The following FASTKD1 variants were observed in gnomAD, a reference collection of about 807,000 sequenced individuals.
The protein encoded by FASTKD1 is FAST kinase domain-containing protein 1, mitochondrial.
Under a neutral mutation model 90.9 loss-of-function variants are expected in FASTKD1, and 94 were observed. That is an observed-to-expected ratio of 1.03 (90% CI 0.88 to 1.23). The LOEUF is 1.23. FASTKD1 is among the 50% of genes most tolerant of loss of function. FASTKD1 has a pLI of 0.00. For synonymous variants in FASTKD1, 319 were observed against 345.8 expected (o/e 0.92, Z 0.86); for missense variants, 945 against 993.5 (o/e 0.95, Z 0.66).
chr2:169,546,343 G>A lies in FASTKD1; in HGVS notation c.1576C>T (p.His526Tyr). 6.2e-7 allele frequency: 1 copy of A among 1,614,020 alleles called. No homozygotes were observed. The highest frequency in any genetic ancestry group is 8.5e-7 in the Non-Finnish European group (1 of 1,179,990). Residue 526 changes from histidine (H) to tyrosine (Y), a missense_variant, in exon 8 of 15, where the codon CAT becomes TAT. His to Tyr is a moderately conservative substitution (Grantham distance 83). Transcript: ENST00000453153. ...ATGTAATTAATATCATCCATGAAAT[G>A]CTGTAAAGTAGCAATCATTTCTTCA... is the stretch of plus-strand genomic sequence containing the variant. ...LLEEMIATLQ[H>Y]FMDDINYINV...
chr2:169,571,152 T>C (rs1684213305), intron 2 of FASTKD1: 1 of 152,734 alleles, frequency 6.5e-6, no homozygotes, highest in Non-Finnish European at 1.5e-5. Flanking sequence ...GCCAAGATTG[T>C]GCCACTGTAC....
At position 169,542,425 on chromosome 2, in the gene FASTKD1, C is replaced by G. The variant is rs555439632; in HGVS notation, c.1817-2246G>C. On this transcript the variant is annotated intron_variant, in intron 9 of 14. Coordinates refer to ENST00000453153, the MANE Select transcript of FASTKD1 (RefSeq NM_024622.6). ...CAAGGTCAAACTGTTCCAAACACAACTCAGGACCCAAAATAAAAAGGAAAA... is the reference window on the plus strand; with the variant it reads ...CAAGGTCAAACTGTTCCAAACACAAGTCAGGACCCAAAATAAAAAGGAAAA... 3.9e-5 allele frequency among the ~76,000 whole-genome samples: 6 copies of G among 152,240 alleles called. No individual in the cohort carries two copies. The South Asian group carries it at 1.2e-3, about 32-fold the overall frequency.
At position 169,539,527 on chromosome 2, in the gene FASTKD1, G is replaced by C. The variant is rs191839427; in HGVS notation, c.1945+524C>G. Among the ~76,000 whole-genome samples the C allele has an allele frequency of 5.3e-3, 811 of 152,160 alleles. 15 individuals are homozygous for C. Among genetic ancestry groups the C allele is most frequent in the Admixed American group, 0.038 (574 of 15,286 alleles). ...CTCACACCTATAATCGCAGCATCTGGGAGGCCAAGGAGGGAGAATCACTTG... is the reference window on the plus strand; with the variant it reads ...CTCACACCTATAATCGCAGCATCTGCGAGGCCAAGGAGGGAGAATCACTTG... On this transcript the variant is annotated intron_variant, in intron 10 of 14. Coordinates refer to ENST00000453153, the MANE Select transcript of FASTKD1 (RefSeq NM_024622.6).
Position 169,569,216 on chromosome 2 carries a change from T to C in FASTKD1, c.414A>G (p.Ala138=), listed in dbSNP as rs1288485707. The C allele has an allele frequency of 6.2e-7, 1 of 1,614,130 alleles. No homozygotes were observed. Among genetic ancestry groups the C allele is most frequent in the South Asian group, 1.1e-5 (1 of 91,080 alleles). Residue 138 remains alanine (A), a synonymous_variant, in exon 3 of 15, where the codon GCA becomes GCG. Transcript: ENST00000453153. ...AGEAHDPLVE[A]LVTEAWRRLE... ...GCCTTCTCCATGCTTCTGTAACTAG[T>C]GCTTCAACTAGCGGGTCATGGGCCT... is the stretch of plus-strand genomic sequence containing the variant.
chr2:169,565,175 T>C (rs1287364849), intron 3 of FASTKD1, among the ~76,000 whole-genome samples: 3 of 144,974 alleles, frequency 2.1e-5, no homozygotes, highest in African/African-American at 7.6e-5. Context: ...GGTCTCGAAC[T>C]CCTGACCTCA....
At chr2:169,561,104 G>A (rs1202191399) in intron 4 of FASTKD1, among the ~76,000 whole-genome samples, 1 of 151,374 alleles carries the variant, frequency 6.6e-6, no homozygotes, top group Non-Finnish European at 1.5e-5. Flanking sequence ...TTTGAGACCA[G>A]CCTGGCAACA....
chr2:169,572,550 T>C (rs1020412519), intron 1 of FASTKD1, among the ~76,000 whole-genome samples: 1 of 45,120 alleles, frequency 2.2e-5, no homozygotes, highest in South Asian at 8.2e-4. Flanking sequence ...CATATATATA[T>C]ACTTTTTTTT....
rs755701602 is a variant in FASTKD1, at chr2:169,560,836, A to G, written c.573-51T>C. Reference sequence around the variant, plus strand: ...TTTTTACATCAATTAAGAATGATCAATTCTTTTTTTTTTTTTTTTTTTTTT... The same window carrying G: ...TTTTTACATCAATTAAGAATGATCAGTTCTTTTTTTTTTTTTTTTTTTTTT... On this transcript the variant is annotated intron_variant, in intron 4 of 14. Transcript: ENST00000453153. The G allele has an allele frequency of 2.8e-5, 21 of 755,108 alleles. No homozygotes were observed. In the East Asian group the frequency reaches 8.4e-4, roughly 30 times the overall value. The allele number at this position is 755,108 out of a possible 1,614,324, so 46.8% of individuals were successfully genotyped here. A position where few individuals can be genotyped will look rare whatever the true frequency, so the allele number is the denominator to read the frequency against.
rs146742345 is a variant in FASTKD1, at chr2:169,562,453, G to A, written c.572+772C>T. 1.8e-3 allele frequency among the ~76,000 whole-genome samples: 267 copies of A among 152,070 alleles called. 3 individuals are homozygous for A. Among genetic ancestry groups the A allele is most frequent in the Middle Eastern group, 0.01 (3 of 294 alleles). On this transcript the variant is annotated intron_variant, in intron 4 of 14. Transcript: ENST00000453153. Reference sequence around the variant, plus strand: ...TTGCCATGTTGGCCAGGCTGGTCTCGAACTCCTGACATCAAGTGATCCACC... The same window carrying A: ...TTGCCATGTTGGCCAGGCTGGTCTCAAACTCCTGACATCAAGTGATCCACC...
intron 2 of FASTKD1, among the ~76,000 whole-genome samples, chr2:169,570,128 T>C (rs1475728278): frequency 6.6e-6 from 1 of 152,152 alleles, no homozygotes; most frequent in Non-Finnish European, 1.5e-5. Flanking sequence ...ATGCTGATAT[T>C]TACAGCCATT....
intron 3 of FASTKD1, among the ~76,000 whole-genome samples, chr2:169,567,395 G>C (rs1392834222): frequency 1.6e-4 from 25 of 152,148 alleles, no homozygotes; most frequent in Admixed American, 1.6e-3. Context: ...CCAGTAAATA[G>C]ATAATTTGTA....
rs771228336 is a variant in FASTKD1 at position 169,572,019 on chromosome 2, G to GT, written c.10dup (p.Thr4AsnfsTer34). 2.9e-5 allele frequency: 46 copies of GT among 1,565,746 alleles called. No individual in the cohort carries two copies. In the African/African-American group the frequency reaches 3.3e-4, roughly 11 times the overall value. On this transcript the variant is annotated frameshift_variant, in exon 2 of 15. Coordinates refer to ENST00000453153, the MANE Select transcript of FASTKD1 (RefSeq NM_024622.6). LOFTEE classifies it high-confidence loss of function. Reference sequence around the variant, plus strand: ...AACCAATGACTCTAGGAAAACAGGTGTTTTTTTCATTTATATCACAAGTTT... The same window carrying GT: ...AACCAATGACTCTAGGAAAACAGGTGTTTTTTTTCATTTATATCACAAGTTT...
rs1158544505 is a variant in FASTKD1, at chr2:169,546,511, C to T, written c.1408G>A (p.Asp470Asn). Reference sequence around the variant, plus strand: ...TTCAGTTGTTTCGCAGTCATATTATCCAAATACATGTGATCATGCTGAATC... The same window carrying T: ...TTCAGTTGTTTCGCAGTCATATTATTCAAATACATGTGATCATGCTGAATC... ...RWIQHDHMYL[D>N]NMTAKQLKLL... Residue 470 changes from aspartate to asparagine, a missense_variant, in exon 8 of 15, where the codon GAT becomes AAT. Transcript: ENST00000453153. The T allele has an allele frequency of 1.9e-6, 3 of 1,614,064 alleles. No homozygotes were observed. The highest frequency in any genetic ancestry group is 2.2e-5 in the South Asian group (2 of 91,060).
chr2:169,548,421 A>T (rs1054360725), intron 7 of FASTKD1, among the ~76,000 whole-genome samples: 4 of 10,910 alleles, frequency 3.7e-4, no homozygotes, highest in Admixed American at 4.1e-3. Context: ...AATAATTGTT[A>T]AAAAAAAAAA....
intron 10 of FASTKD1, among the ~76,000 whole-genome samples, chr2:169,538,672 T>C (rs1401912480): frequency 9.0e-5 from 4 of 44,296 alleles, no homozygotes; most frequent in Middle Eastern, 0.011. Context: ...CAAAACTCCG[T>C]CTCAAAAAAA....
chr2:169,572,704 C>T (rs1327736655), intron 1 of FASTKD1, among the ~76,000 whole-genome samples: 1 of 151,826 alleles, frequency 6.6e-6, no homozygotes, highest in Non-Finnish European at 1.5e-5. Flanking sequence ...TTAATCATTA[C>T]TGGCCTTGGA....
In FASTKD1 at chr2:169,529,916, A is replaced by G. The variant is rs200271200; in HGVS notation, c.2453T>C (p.Phe818Ser). The stretch of plus-strand genomic sequence containing the variant: ...TGACAGTGCCATAGAGTTCCATTCA[A>G]ACTGGGAAATCTGAAAATAAGTAAT... Reference protein sequence around the residue: ...LGYRVIQISQFEWNSMALSTK... With the variant: ...LGYRVIQISQSEWNSMALSTK... Residue 818 changes from phenylalanine (F) to serine (S), a missense_variant, in exon 15 of 15, where the codon TTT becomes TCT. By Grantham distance (155) the Phe-to-Ser change is radical. Transcript: ENST00000453153. 4.2e-5 allele frequency: 68 copies of G among 1,607,816 alleles called. No individual in the cohort carries two copies. In the East Asian group the frequency reaches 7.8e-4, roughly 18 times the overall value.
intron 9 of FASTKD1, among the ~76,000 whole-genome samples, chr2:169,544,219 G>A (rs1035971776): frequency 4.6e-5 from 7 of 152,162 alleles, no homozygotes; most frequent in Non-Finnish European, 7.4e-5. Context: ...GTATATATGT[G>A]TTCTTTGTTT....
rs771551629 is a variant in FASTKD1, at chr2:169,540,146, CCAAGAAA to C, written c.1843_1849del (p.Phe615ValfsTer15). 1.7e-5 allele frequency: 27 copies of C among 1,595,804 alleles called. No homozygotes were observed. Among genetic ancestry groups the C allele is most frequent in the Non-Finnish European group, 2.1e-5 (24 of 1,167,056 alleles). ...ATATTCAAGTGTGGCCAAAGAGAAA[CCAAGAAA>C]CACTAATATAAAAGGATCCAATATA... is the stretch of plus-strand genomic sequence containing the variant. On this transcript the variant is annotated frameshift_variant, in exon 10 of 15. Coordinates refer to ENST00000453153, the MANE Select transcript of FASTKD1 (RefSeq NM_024622.6). LOFTEE classifies it high-confidence loss of function.
Sources: allele counts gnomAD v4.1 joint callset (sites outside exome capture counted in the v4.1 genomes callset), GRCh38; gene constraint gnomAD v4.1.1; transcripts MANE v1.5; gene names NCBI Gene and HGNC (gene_info 2026-07-23, HGNC 2026-07-21).